RBFOX1: variants seen among roughly 807,000 people sequenced by gnomAD.
The protein encoded by RBFOX1 is RNA binding fox-1 homolog 1.
RBFOX1 carries 8 observed loss-of-function variants against 57.7 expected under a neutral mutation model. The ratio of observed to expected loss-of-function variants is 0.14; its 90% confidence interval spans 0.08 to 0.25. The LOEUF is 0.25. Among genes scored for constraint, RBFOX1 ranks in the 10% least tolerant of loss-of-function variants. The pLI is 1.00. For synonymous variants in RBFOX1, 326 were observed against 222.4 expected (o/e 1.47, Z -4.15); for missense variants, 611 against 548.5 (o/e 1.11, Z -1.14).
intron 4 of RBFOX1, among the ~76,000 whole-genome samples, chr16:7,383,488 C>G (rs970021543): frequency 6.6e-6 from 1 of 152,016 alleles, no homozygotes; most frequent in Non-Finnish European, 1.5e-5. Flanking sequence ...GCCAAGGTGC[C>G]AGCTGAATTA....
intron 4 of RBFOX1, among the ~76,000 whole-genome samples, chr16:7,335,415 G>C (rs1424926344): frequency 6.6e-6 from 1 of 152,160 alleles, no homozygotes; most frequent in Non-Finnish European, 1.5e-5. Context: ...TGTTGAAACA[G>C]AGTTCATAGT....
At chr16:6,853,858 A>G (rs1279460407) in intron 3 of RBFOX1, among the ~76,000 whole-genome samples, 1 of 152,166 alleles carries the variant, frequency 6.6e-6, no homozygotes, top group African/African-American at 2.4e-5. Context: ...AATGATGAGT[A>G]TGGTAAATGG....
At chr16:6,909,890 C>A (rs866608917) in intron 3 of RBFOX1, among the ~76,000 whole-genome samples, 1 of 152,078 alleles carries the variant, frequency 6.6e-6, no homozygotes, top group Admixed American at 6.6e-5. Context: ...CATATCGGTT[C>A]CTTTGCTAAT....
chr16:7,605,310 G>C (rs570523485), intron 9 of RBFOX1, among the ~76,000 whole-genome samples: 19 of 152,268 alleles, frequency 1.2e-4, no homozygotes, highest in South Asian at 1.0e-3. Flanking sequence ...ATTAATACAA[G>C]AGAAGAGGGT....
At chr16:6,773,946 C>T (rs967227898) in intron 3 of RBFOX1, 13 of 985,246 alleles carry the variant, frequency 1.3e-5, no homozygotes, top group Non-Finnish European at 1.6e-5. Flanking sequence ...TGTGTGTGTG[C>T]ACACGCACAT....
chr16:7,368,044 A>G (rs145358184), intron 4 of RBFOX1, among the ~76,000 whole-genome samples: 4 of 152,028 alleles, frequency 2.6e-5, no homozygotes, highest in African/African-American at 4.8e-5. Flanking sequence ...AGGATGGTGA[A>G]TCAGCTGAGG....
chr16:6,633,733 G>C (rs919752689), intron 2 of RBFOX1, among the ~76,000 whole-genome samples: 1 of 152,160 alleles, frequency 6.6e-6, no homozygotes, highest in Non-Finnish European at 1.5e-5. Flanking sequence ...CTCTAGCCAG[G>C]CGCTGTAGCT....
At chr16:7,083,214 T>C (rs1463216523) in intron 4 of RBFOX1, among the ~76,000 whole-genome samples, 2 of 152,110 alleles carry the variant, frequency 1.3e-5, no homozygotes, top group African/African-American at 4.8e-5. Context: ...CCATTCCGTC[T>C]GTTTAACCTC....
At chr16:6,440,230 C>T (rs1484844318) in intron 2 of RBFOX1, among the ~76,000 whole-genome samples, 1 of 152,100 alleles carries the variant, frequency 6.6e-6, no homozygotes, top group East Asian at 1.9e-4. Flanking sequence ...CCTTAGGTGG[C>T]CATTTCTAAA....
chr16:6,411,740 A>G (rs2093464308), intron 2 of RBFOX1, among the ~76,000 whole-genome samples: 1 of 152,356 alleles, frequency 6.6e-6, no homozygotes, highest in South Asian at 2.1e-4. Context: ...TCATTATGTT[A>G]CTTTGCATAA....
chr16:7,316,148 A>G (rs1203043217), intron 4 of RBFOX1, among the ~76,000 whole-genome samples: 1 of 152,210 alleles, frequency 6.6e-6, no homozygotes, highest in African/African-American at 2.4e-5. Flanking sequence ...ATGTGTTTAT[A>G]TGAGGGATGG....
chr16:7,602,595 G>A (rs188595511), intron 9 of RBFOX1, among the ~76,000 whole-genome samples: 1 of 152,200 alleles, frequency 6.6e-6, no homozygotes, highest in Admixed American at 6.5e-5. Context: ...TTATCCCAAG[G>A]GTCTCTTTCA....
intron 4 of RBFOX1, among the ~76,000 whole-genome samples, chr16:7,235,361 G>T (rs1287978968): frequency 1.3e-5 from 2 of 152,132 alleles, no homozygotes; most frequent in Admixed American, 6.5e-5. Flanking sequence ...TTAGAACAGG[G>T]TATGTATCCA....
intron 3 of RBFOX1, among the ~76,000 whole-genome samples, chr16:6,676,166 A>G (rs2057645521): frequency 6.6e-6 from 1 of 151,810 alleles, no homozygotes; most frequent in Non-Finnish European, 1.5e-5. Context: ...ACACACACAC[A>G]CACACACACA....
At chr16:5,816,725 A>C (rs1306253565) in intron 3 of RBFOX1, among the ~76,000 whole-genome samples, 4 of 152,172 alleles carry the variant, frequency 2.6e-5, no homozygotes, top group Non-Finnish European at 4.4e-5. Flanking sequence ...CTGAGGCTGC[A>C]ATGAGCCATG....
At position 6,994,711 on chromosome 16, in the gene RBFOX1, C is replaced by T. The variant is rs564996738; in HGVS notation, c.-15-57346C>T. Among the ~76,000 whole-genome samples, 21 of 152,244 alleles carry T rather than the reference C, an allele frequency of 1.4e-4. No individual in the cohort carries two copies. In the South Asian group the frequency reaches 3.7e-3, roughly 27 times the overall value. ...AGGATCCTGGTTGTATTCTGAAAGT[C>T]CTGAAGCTATCATATTCCACAGCTT... is the stretch of plus-strand genomic sequence containing the variant. On this transcript the variant is annotated intron_variant, in intron 3 of 15. Transcript: ENST00000550418.
intron 3 of RBFOX1, among the ~76,000 whole-genome samples, chr16:5,867,150 A>ATGTG (rs113977862): frequency 0.16 from 24,409 of 149,210 alleles, 2,401 homozygotes; most frequent in African/African-American, 0.28. Context: ...AAGAAAATGC[A>ATGTG]TGTGTGTGTG....
At chr16:6,797,698 A>G (rs1418483585) in intron 3 of RBFOX1, among the ~76,000 whole-genome samples, 1 of 152,162 alleles carries the variant, frequency 6.6e-6, no homozygotes, top group African/African-American at 2.4e-5. Context: ...GACCATTCCA[A>G]CTATAGGCAT....
chr16:7,030,450 C>T (rs1437420734), intron 3 of RBFOX1, among the ~76,000 whole-genome samples: 1 of 152,148 alleles, frequency 6.6e-6, no homozygotes, highest in Non-Finnish European at 1.5e-5. Flanking sequence ...GGCCAAGTTC[C>T]TTCTGAAGGC....
Sources: allele counts gnomAD v4.1 joint callset (sites outside exome capture counted in the v4.1 genomes callset), GRCh38; gene constraint gnomAD v4.1.1; transcripts MANE v1.5; gene names NCBI Gene and HGNC (gene_info 2026-07-23, HGNC 2026-07-21).